COL4A5: variants seen among roughly 807,000 people sequenced by gnomAD.
COL4A5 encodes the protein collagen alpha-5(IV) chain.
In COL4A5, 26 loss-of-function variants were observed where a neutral mutation model predicts 130.2. The ratio of observed to expected loss-of-function variants is 0.20; its 90% CI spans 0.15 to 0.28. The LOEUF (loss-of-function observed/expected upper bound fraction) is 0.28. COL4A5 is among the 10% of genes least tolerant of loss of function. The pLI, the probability that COL4A5 is intolerant of heterozygous loss-of-function variation, is 1.00. For missense variants in COL4A5, 1,131 were observed against 1,344.3 expected (o/e 0.84, Z 2.48); for synonymous variants, 496 against 439.6 (o/e 1.13, Z -1.60).
intron 1 of COL4A5, among the ~76,000 whole-genome samples, chrX:108,449,240 A>G (rs1030513558): frequency 8.9e-6 from 1 of 111,987 alleles, no homozygotes; most frequent in Non-Finnish European, 1.9e-5. Context: ...AAATAAACTC[A>G]TGATGTTTTG....
At chrX:108,547,217 G>GT (rs770052765) in intron 2 of COL4A5, among the ~76,000 whole-genome samples, 1 of 111,639 alleles carries the variant, frequency 9.0e-6, no homozygotes, top group South Asian at 3.8e-4. Context: ...TTTCTGCTCT[G>GT]TTTTTTCCCC....
At chrX:108,629,327 C>G (rs1449706840) in intron 36 of COL4A5, among the ~76,000 whole-genome samples, 4 of 111,738 alleles carry the variant, frequency 3.6e-5, no homozygotes, top group Non-Finnish European at 3.8e-5. Context: ...TAAGAACTAT[C>G]ACAGCACCTG....
rs1197654895 is a variant in COL4A5 at position 108,549,255 on chromosome X, G to A, written c.141+9450G>A. The stretch of plus-strand genomic sequence containing the variant: ...CAGTTGTTCCACTCTTAACAACTTA[G>A]GCTTTATTGACATAAAAAGAGCCCA... On this transcript the variant is annotated intron_variant, in intron 2 of 52. Transcript: ENST00000328300. Among the ~76,000 whole-genome samples the A allele has an allele frequency of 2.0e-4, 22 of 111,558 alleles. No homozygotes were observed. In the Admixed American group the frequency reaches 2.1e-3, roughly 11 times the overall value.
At chrX:108,521,505 A>G (rs1191315762) in intron 1 of COL4A5, among the ~76,000 whole-genome samples, 1 of 111,345 alleles carries the variant, frequency 9.0e-6, no homozygotes, top group Non-Finnish European at 1.9e-5. Flanking sequence ...TATAAAATAT[A>G]TGGATTCCCT....
chrX:108,584,215 C>T (rs2147783760), intron 17 of COL4A5, among the ~76,000 whole-genome samples: 1 of 109,729 alleles, frequency 9.1e-6, no homozygotes, highest in South Asian at 3.8e-4. Context: ...CTAGAAATAC[C>T]TTAAAACTCT....
intron 49 of COL4A5, among the ~76,000 whole-genome samples, chrX:108,689,143 C>A (rs1393181251): frequency 9.0e-6 from 1 of 110,927 alleles, no homozygotes; most frequent in African/African-American, 3.3e-5. Context: ...TTGGTTACAT[C>A]TTTTTAAATT....
chrX:108,568,773 C>T lies in COL4A5; in HGVS notation c.336C>T (p.His112=), dbSNP rs751706926. 85 of 1,208,805 alleles carry T rather than the reference C, an allele frequency of 7.0e-5. 1 individual carries two copies. In the South Asian group the frequency reaches 1.0e-3, roughly 14 times the overall value. ...GTPGLPGMPG[H]DGAPGPQGIP... Reference sequence around the variant, plus strand: ...GCTTTTCAAAGGGAATGCCAGGCCACGATGGGGCCCCAGGACCTCAAGGTA... The same window carrying T: ...GCTTTTCAAAGGGAATGCCAGGCCATGATGGGGCCCCAGGACCTCAAGGTA... Residue 112 remains histidine (H), a synonymous_variant, in exon 6 of 53, where the codon CAC becomes CAT. Coordinates refer to ENST00000328300, the MANE Select transcript of COL4A5 (RefSeq NM_033380.3).
At chrX:108,528,647 G>T (rs1037774496) in intron 1 of COL4A5, among the ~76,000 whole-genome samples, 5 of 112,205 alleles carry the variant, frequency 4.5e-5, no homozygotes, top group Admixed American at 1.9e-4. Context: ...TTAAGGATAA[G>T]AATGAACAAT....
chrX:108,602,881 G>C (rs2066658865), intron 27 of COL4A5, 83 bp from the exon 28 acceptor site: 1 of 660,072 alleles, frequency 1.5e-6, no homozygotes, highest in Admixed American at 2.7e-5. Context: ...CTAAGCATGA[G>C]TAGAATGTGG....
chrX:108,607,617 A>G (rs1365246656), intron 29 of COL4A5, among the ~76,000 whole-genome samples: 11 of 106,334 alleles, frequency 1.0e-4, no homozygotes, highest in African/African-American at 3.8e-4. Flanking sequence ...CTCAGTAGCT[A>G]GGATTACAGA....
intron 43 of COL4A5, among the ~76,000 whole-genome samples, chrX:108,676,701 A>G (rs2068310407): frequency 8.9e-6 from 1 of 112,351 alleles, no homozygotes; most frequent in South Asian, 3.7e-4. Context: ...GCATATCACT[A>G]AAATGAAATT....
rs104886054 is a variant in COL4A5 at position 108,571,813 on chromosome X, AC to A, written c.446del (p.Pro149LeufsTer6). 2 of 1,177,544 alleles carry A rather than the reference AC, an allele frequency of 1.7e-6. No individual in the cohort carries two copies. Among genetic ancestry groups the A allele is most frequent in the Non-Finnish European group, 2.3e-6 (2 of 865,201 alleles). ...GFPGLQGPPG[P>X]PGIPGMKGEP... ...ATCCCTTTTCTTTTTAATAATAGGG[AC>A]CCCCTGGGATCCCAGGTATGAAGGT... On this transcript the variant is annotated frameshift_variant, in exon 8 of 53. Coordinates refer to ENST00000328300, the MANE Select transcript of COL4A5 (RefSeq NM_033380.3). LOFTEE classifies it high-confidence loss of function.
At chrX:108,686,000 C>T (rs367632041) in intron 47 of COL4A5, 31 bp from the exon 48 acceptor site, 3 of 1,081,482 alleles carry the variant, frequency 2.8e-6, no homozygotes, top group Non-Finnish European at 3.9e-6. Flanking sequence ...ATATTCTACT[C>T]ATATTTGAAT....
At chrX:108,448,936 C>A (rs1484504905) in intron 1 of COL4A5, among the ~76,000 whole-genome samples, 1 of 111,768 alleles carries the variant, frequency 8.9e-6, no homozygotes, top group Non-Finnish European at 1.9e-5. Flanking sequence ...TTCCAGGAAT[C>A]ACATGCAGAC....
chrX:108,630,373 C>T (rs1362024728), intron 36 of COL4A5, among the ~76,000 whole-genome samples: 1 of 111,838 alleles, frequency 8.9e-6, no homozygotes, highest in Non-Finnish European at 1.9e-5. Flanking sequence ...GATGGTATCT[C>T]ATTGTGGTTT....
At chrX:108,500,276 C>A (rs1474631968) in intron 1 of COL4A5, among the ~76,000 whole-genome samples, 2 of 111,994 alleles carry the variant, frequency 1.8e-5, no homozygotes, top group African/African-American at 3.2e-5. Context: ...TAAATGATGT[C>A]GGAGGAGGTG....
chrX:108,625,584 A>G, intron 34 of COL4A5, 121 bp from the exon 35 acceptor site: 1 of 506,444 alleles, frequency 2.0e-6, no homozygotes. Context: ...GACCTTAATC[A>G]TATATTCAGA....
intron 3 of COL4A5, 109 bp from the exon 4 acceptor site, chrX:108,563,773 A>G (rs993103884): frequency 1.6e-6 from 1 of 633,052 alleles, no homozygotes; most frequent in Non-Finnish European, 2.5e-6. Context: ...GTTTTTCACT[A>G]ACTTTCACAG....
intron 36 of COL4A5, among the ~76,000 whole-genome samples, chrX:108,649,166 A>G (rs183562709): frequency 7.4e-4 from 82 of 111,401 alleles, no homozygotes; most frequent in African/African-American, 2.6e-3. Context: ...AAAATAAAAT[A>G]AAATAAAATA....
Sources: gnomAD v4.1 joint callset for allele counts (sites outside exome capture counted in the v4.1 genomes callset) on GRCh38, gnomAD v4.1.1 for gene constraint, MANE v1.5 for transcripts, NCBI Gene and HGNC (gene_info 2026-07-23, HGNC 2026-07-21) for gene names.